The following CLK3 variants were observed in gnomAD, a reference collection of about 807,000 sequenced individuals.
CLK3 encodes dual specificity protein kinase CLK3.
A neutral mutation model predicts 65.2 loss-of-function variants in CLK3; 24 were observed. The observed-to-expected ratio is 0.37, with a 90% CI of 0.27 to 0.52. CLK3 has a LOEUF of 0.52. Among genes scored for constraint, CLK3 ranks in the 20% least tolerant of loss-of-function variants. The pLI, the probability that CLK3 is intolerant of heterozygous loss-of-function variation, is 0.92. For synonymous variants in CLK3, 252 were observed against 240.8 expected (o/e 1.05, Z -0.43); for missense variants, 506 against 660.0 (o/e 0.77, Z 2.56).
At position 74,622,200 on chromosome 15, in the gene CLK3, T is replaced by C. The variant is rs371333389; in HGVS notation, c.450T>C (p.Asp150=). The C allele has an allele frequency of 3.1e-6, 5 of 1,613,742 alleles. No individual in the cohort carries two copies. Among genetic ancestry groups the C allele is most frequent in the African/African-American group, 2.7e-5 (2 of 74,910 alleles). The change falls in exon 4 of 13, where the codon GAT becomes GAC. Residue 150 remains aspartate (D), a synonymous_variant. Coordinates refer to ENST00000395066, the MANE Select transcript of CLK3 (RefSeq NM_001130028.2). This position sits in a 1 kb window ranked among gnomAD's most constrained non-coding sequence, Gnocchi z 4.6. ...GTCACCTGGTGTGCCGGATCGGCGA[T>C]TGGCTCCAAGAGCGATGTACAGCCA... The part of the protein sequence containing the change: ...KEGHLVCRIG[D]WLQERYEIVG...
chr15:74,628,231 G>A (rs1596291735), intron 10 of CLK3, among the ~76,000 whole-genome samples, 179 bp downstream of exon 10: 1 of 152,184 alleles, frequency 6.6e-6, no homozygotes, highest in African/African-American at 2.4e-5. Flanking sequence ...CAGAGGTCAG[G>A]GTAGCTGGAA....
Position 74,619,354 on chromosome 15 carries a change from A to C in CLK3, c.152+6A>C, listed in dbSNP as rs1429850474. 1 of 1,613,934 alleles carries C rather than the reference A, an allele frequency of 6.2e-7. No homozygotes were observed. The highest frequency in any genetic ancestry group is 1.1e-5 in the South Asian group (1 of 91,076). ...CGAAGATCTCGGTCCAGAAGGTGAGAGGGAACTAGATAGGAGGGAAAGACT... is the reference window on the plus strand; with the variant it reads ...CGAAGATCTCGGTCCAGAAGGTGAGCGGGAACTAGATAGGAGGGAAAGACT... On this transcript the variant is annotated splice_donor_region_variant and intron_variant, in intron 2 of 12. Transcript: ENST00000395066.
At chr15:74,626,054 G>A in intron 7 of CLK3, 86 bp downstream of exon 7, 3 of 1,442,880 alleles carry the variant, frequency 2.1e-6, no homozygotes, top group Non-Finnish European at 1.9e-6. Context: ...ATTCATTCCA[G>A]CACGTTACTA....
intron 3 of CLK3, chr15:74,620,636 CTG>C: frequency 4.0e-6 from 1 of 252,748 alleles, no homozygotes. Context: ...CCTCGTGTAA[CTG>C]AGTGCTCTGA....
chr15:74,615,840 G>A lies in CLK3; in HGVS notation c.-59G>A, dbSNP rs1396028413. 3 of 1,249,932 alleles carry A rather than the reference G, an allele frequency of 2.4e-6. No individual in the cohort carries two copies. Among genetic ancestry groups the A allele is most frequent in the Non-Finnish European group, 3.0e-6 (3 of 997,024 alleles). The allele number at this position is 1,249,932 out of a possible 1,614,324, so 77.4% of individuals were successfully genotyped here. A position where few individuals can be genotyped will look rare whatever the true frequency, so the allele number is the denominator to read the frequency against. On this transcript the variant is annotated 5_prime_UTR_variant, in exon 1 of 13. Coordinates refer to ENST00000395066, the MANE Select transcript of CLK3 (RefSeq NM_001130028.2). ...CCACGGGCGGAGGTCGCAGCCGGAA[G>A]CGGAAGAGGCGCTCGGAGCGGGGAG...
In CLK3 at chr15:74,625,886, G is replaced by A; in HGVS notation, c.735G>A (p.Glu245=). 6.2e-7 allele frequency: 1 copy of A among 1,614,162 alleles called. No homozygotes were observed. The highest frequency in any genetic ancestry group is 8.5e-7 in the Non-Finnish European group (1 of 1,180,032). ...AGCTCCTGGGCAAGAACACCTTTGAGTTCCTGAAGGAGAATAACTTCCAGC... is the reference window on the plus strand; with the variant it reads ...AGCTCCTGGGCAAGAACACCTTTGAATTCCTGAAGGAGAATAACTTCCAGC... ...AFELLGKNTF[E]FLKENNFQPY... Residue 245 remains glutamate, a synonymous_variant, in exon 7 of 13, where the codon GAG becomes GAA. Transcript: ENST00000395066.
At chr15:74,616,250 T>C (rs916847086) in intron 1 of CLK3, among the ~76,000 whole-genome samples, 6 of 152,240 alleles carry the variant, frequency 3.9e-5, no homozygotes, top group Non-Finnish European at 7.3e-5. Context: ...GGCTTCAGGC[T>C]TAGTCCGCAG....
rs778846487 is a variant in CLK3 at position 74,619,223 on chromosome 15, C to T, written c.27C>T (p.Ser9=). 1.2e-6 allele frequency: 2 copies of T among 1,614,186 alleles called. No individual in the cohort carries two copies. Among genetic ancestry groups the T allele is most frequent in the South Asian group, 2.2e-5 (2 of 91,088 alleles). The change falls in exon 2 of 13, where the codon TCC becomes TCT. Residue 9 remains serine (S), a synonymous_variant. Transcript: ENST00000395066. The part of the protein sequence containing the change: MHHCKRYR[S]PEPDPYLSYR... ...TGCATCACTGTAAGCGATACCGCTC[C>T]CCTGAACCAGACCCGTACCTGAGCT...
At chr15:74,626,285 A>G (rs1263502309) in intron 7 of CLK3, among the ~76,000 whole-genome samples, 1 of 152,220 alleles carries the variant, frequency 6.6e-6, no homozygotes, top group Non-Finnish European at 1.5e-5. Context: ...TGGGATAAAA[A>G]GGTAGAAGCC....
chr15:74,610,144 C>T (rs915600660), intron 1 of CLK3, among the ~76,000 whole-genome samples: 5 of 152,266 alleles, frequency 3.3e-5, no homozygotes, highest in Admixed American at 2.6e-4. Context: ...GGGGGATCCC[C>T]AGGCTGGGCT....
rs754695934 is a variant in CLK3, at chr15:74,628,691, C to A, written c.1205+8C>A. ...CATGATCCACCGTACCAGGTAAGGA[C>A]CCCAGTAGCCCCCTCAGGGTTGGTA... On this transcript the variant is annotated splice_region_variant and intron_variant, in intron 11 of 12. Transcript: ENST00000395066. The A allele has an allele frequency of 5.0e-6, 8 of 1,605,074 alleles. No homozygotes were observed. The highest frequency in any genetic ancestry group is 6.8e-6 in the Non-Finnish European group (8 of 1,175,058).
intron 5 of CLK3, among the ~76,000 whole-genome samples, chr15:74,623,049 G>A (rs1327956230): frequency 6.6e-6 from 1 of 152,214 alleles, no homozygotes; most frequent in African/African-American, 2.4e-5. Context: ...CAAGCAGGCT[G>A]CTGCCTTCTT....
intron 7 of CLK3, among the ~76,000 whole-genome samples, chr15:74,626,785 C>T (rs1362676423): frequency 6.6e-6 from 1 of 152,166 alleles, no homozygotes; most frequent in Non-Finnish European, 1.5e-5. Flanking sequence ...AAAGTGACTA[C>T]TAGCAAGAAG....
Position 74,627,376 on chromosome 15 carries a change from A to C in CLK3, c.842A>C (p.His281Pro). 6.2e-7 allele frequency: 1 copy of C among 1,614,174 alleles called. No homozygotes were observed. The highest frequency in any genetic ancestry group is 8.5e-7 in the Non-Finnish European group (1 of 1,179,994). ...LRFLHENQLT[H>P]TDLKPENILF... ...GTTCTGCATGAGAATCAGCTGACCC[A>C]TACAGACTTGAAACCAGAGAACATC... Residue 281 changes from histidine to proline, a missense_variant, in exon 8 of 13, where the codon CAT becomes CCT. Physicochemically the swap from His to Pro is moderately conservative, Grantham distance 77. Coordinates refer to ENST00000395066, the MANE Select transcript of CLK3 (RefSeq NM_001130028.2). The surrounding 1 kb of genome is among the most constrained non-coding windows in gnomAD (Gnocchi z 4.3).
chr15:74,618,473 C>T (rs2062076834), intron 1 of CLK3, among the ~76,000 whole-genome samples: 1 of 152,164 alleles, frequency 6.6e-6, no homozygotes, highest in Non-Finnish European at 1.5e-5. Context: ...AGGCAAGGCA[C>T]CTGGCAGGGC....
upstream of CLK3, chr15:74,615,717 G>A: frequency 8.1e-7 from 1 of 1,238,696 alleles, no homozygotes; most frequent in South Asian, 3.6e-5. Context: ...GAGGGCTGGT[G>A]CCCCGGAGCC....
Position 74,615,869 on chromosome 15 carries a change from G to A in CLK3, c.-30G>A. On this transcript the variant is annotated 5_prime_UTR_variant, in exon 1 of 13. Coordinates refer to ENST00000395066, the MANE Select transcript of CLK3 (RefSeq NM_001130028.2). Reference sequence around the variant, plus strand: ...AAGAGGCGCTCGGAGCGGGGAGTGGGGCCTAGCTGCAGCCGGAGCCTGGGA... The same window carrying A: ...AAGAGGCGCTCGGAGCGGGGAGTGGAGCCTAGCTGCAGCCGGAGCCTGGGA... 1 of 1,255,712 alleles carries A rather than the reference G, an allele frequency of 8.0e-7. No individual in the cohort carries two copies. Among genetic ancestry groups the A allele is most frequent in the Non-Finnish European group, 1.0e-6 (1 of 1,000,142 alleles). The allele number at this position is 1,255,712 out of a possible 1,614,324, so 77.8% of individuals were successfully genotyped here.
At chr15:74,615,489 C>T (rs1329724136), upstream of CLK3, 1 of 1,310,656 alleles carries the variant, frequency 7.6e-7, no homozygotes. Context: ...AGGGAGTTGG[C>T]GGACCACGCG....
At chr15:74,625,685 C>T (rs2062138759) in intron 6 of CLK3, 117 bp from the exon 7 acceptor site, 1 of 1,025,322 alleles carries the variant, frequency 9.8e-7, no homozygotes, top group East Asian at 2.4e-5. Flanking sequence ...TGTGTATCTG[C>T]ATTCTGGTGT....
Sources: gnomAD v4.1 joint callset for allele counts (sites outside exome capture counted in the v4.1 genomes callset) on GRCh38, gnomAD v4.1.1 for gene constraint, Gnocchi (gnomAD v3.1) non-coding constraint, MANE v1.5 for transcripts, NCBI Gene and HGNC (gene_info 2026-07-23, HGNC 2026-07-21) for gene names.